Variants in OR2AJ1 observed in about 807,000 individuals in gnomAD.
OR2AJ1 encodes olfactory receptor 2AJ1.
For synonymous variants in OR2AJ1, 105 were observed against 60.3 expected (o/e 1.74, Z -3.44); for missense variants, 280 against 163.2 (o/e 1.72, Z -3.90).
rs760004374 is a variant in OR2AJ1 at position 247,933,912 on chromosome 1, C to T, written c.144C>T (p.Leu48=). The T allele has an allele frequency of 5.6e-6, 4 of 717,316 alleles. No homozygotes were observed. The highest frequency in any genetic ancestry group is 2.7e-5 in the East Asian group (1 of 37,280). The allele number at this position is 717,316 out of a possible 1,614,324, so 44.4% of individuals were successfully genotyped here. Residue 48 remains leucine (L), a synonymous_variant, in exon 2 of 2, where the codon CTC becomes CTT. Transcript: ENST00000318244. ...SVTENTLMIL[L]IRSDSRLHTP... ...CAGAAAATACGCTCATGATCCTCCT[C>T]ATTCGCAGTGACTCCCGACTCCACA...
intron 1 of OR2AJ1, among the ~76,000 whole-genome samples, chr1:247,928,405 C>G (rs550766413): frequency 1.2e-3 from 177 of 152,230 alleles, no homozygotes; most frequent in Non-Finnish European, 1.9e-3. Flanking sequence ...ATATATTAAT[C>G]TTTTGTCAGA....
chr1:247,926,236 A>C (rs1660089770), intron 1 of OR2AJ1, among the ~76,000 whole-genome samples: 1 of 152,194 alleles, frequency 6.6e-6, no homozygotes, highest in African/African-American at 2.4e-5. Flanking sequence ...ACTCAATGTT[A>C]CTTATTATAT....
intron 1 of OR2AJ1, among the ~76,000 whole-genome samples, chr1:247,933,427 G>C (rs111289481): frequency 5.4e-4 from 82 of 152,296 alleles, no homozygotes; most frequent in African/African-American, 1.3e-3. Flanking sequence ...TTTTTAAAGG[G>C]TGTGCAAGGA....
chr1:247,930,220 T>G (rs930766764), intron 1 of OR2AJ1, among the ~76,000 whole-genome samples: 3 of 152,208 alleles, frequency 2.0e-5, no homozygotes, highest in Non-Finnish European at 2.9e-5. Flanking sequence ...AACAAATAAA[T>G]AACTACTTAA....
intron 1 of OR2AJ1, among the ~76,000 whole-genome samples, chr1:247,931,762 A>G (rs762690168): frequency 6.6e-6 from 1 of 152,262 alleles, no homozygotes; most frequent in Non-Finnish European, 1.5e-5. Flanking sequence ...AATGAGACCT[A>G]AAATGGGCCA....
At chr1:247,932,710 T>C (rs1031471338) in intron 1 of OR2AJ1, among the ~76,000 whole-genome samples, 1 of 152,166 alleles carries the variant, frequency 6.6e-6, no homozygotes, top group Non-Finnish European at 1.5e-5. Flanking sequence ...GACTAATGTA[T>C]TTATAAATTT....
intron 1 of OR2AJ1, among the ~76,000 whole-genome samples, chr1:247,929,809 A>T (rs927989328): frequency 6.6e-6 from 1 of 152,166 alleles, no homozygotes; most frequent in Admixed American, 6.5e-5. Flanking sequence ...TTTTTGGGAT[A>T]TTGCATTTCC....
At position 247,932,738 on chromosome 1, in the gene OR2AJ1, T is replaced by C. The variant is rs575019943; in HGVS notation, c.-22-1009T>C. ...ATAAATTTTATAATTTACGTATTAA[T>C]ATGTGAAAGTATATATGTATGTATT... is the stretch of plus-strand genomic sequence containing the variant. On this transcript the variant is annotated intron_variant, in intron 1 of 1. Coordinates refer to ENST00000318244, the MANE Select transcript of OR2AJ1 (RefSeq NM_001355235.2). 9.8e-5 allele frequency among the ~76,000 whole-genome samples: 15 copies of C among 152,294 alleles called. No individual in the cohort carries two copies. The East Asian group carries it at 2.9e-3, about 29-fold the overall frequency.
intron 1 of OR2AJ1, among the ~76,000 whole-genome samples, chr1:247,927,440 A>G (rs941572115): frequency 6.6e-6 from 1 of 151,368 alleles, no homozygotes; most frequent in African/African-American, 2.4e-5. Flanking sequence ...GGATACATAC[A>G]AAGTTTAATG....
intron 1 of OR2AJ1, among the ~76,000 whole-genome samples, chr1:247,930,317 C>T (rs1268419486): frequency 2.6e-5 from 4 of 152,074 alleles, no homozygotes; most frequent in Non-Finnish European, 5.9e-5. Flanking sequence ...TATGCTTTAT[C>T]GGTATAATGA....
At chr1:247,925,571 T>C (rs1660082106) in intron 1 of OR2AJ1, among the ~76,000 whole-genome samples, 1 of 152,002 alleles carries the variant, frequency 6.6e-6, no homozygotes, top group South Asian at 2.1e-4. Context: ...TCACTGGAAA[T>C]TAGAACTAAA....
chr1:247,934,627 C>A lies in OR2AJ1; in HGVS notation c.859C>A (p.Pro287Thr), dbSNP rs546780515. Residue 287 changes from proline to threonine, a missense_variant, in exon 2 of 2, where the codon CCT becomes ACT. Coordinates refer to ENST00000318244, the MANE Select transcript of OR2AJ1 (RefSeq NM_001355235.2). The stretch of plus-strand genomic sequence containing the variant: ...TACGATCCTCACACCCACACTCAAC[C>A]CTTTCATCTACAGCTTTAGGAATAA... ...FYTILTPTLN[P>T]FIYSFRNKDV... The A allele has an allele frequency of 6.5e-5, 47 of 717,870 alleles. No individual in the cohort carries two copies. The highest frequency in any genetic ancestry group is 6.5e-4 in the South Asian group (44 of 67,590). The allele number at this position is 717,870 out of a possible 1,614,324, so 44.5% of individuals were successfully genotyped here. A position where few individuals can be genotyped will look rare whatever the true frequency, so the allele number is the denominator to read the frequency against.
intron 1 of OR2AJ1, among the ~76,000 whole-genome samples, chr1:247,926,577 G>A (rs572307602): frequency 1.5e-4 from 23 of 152,260 alleles, no homozygotes; most frequent in Middle Eastern, 3.4e-3. Flanking sequence ...ATTGTACATT[G>A]ATGCATACAA....
rs541489034 is a variant in OR2AJ1, at chr1:247,934,352, A to G, written c.584A>G (p.Tyr195Cys). The change falls in exon 2 of 2, where the codon TAT becomes TGT. Residue 195 changes from tyrosine to cysteine, a missense_variant. Tyr to Cys is a radical substitution (Grantham distance 194). Coordinates refer to ENST00000318244, the MANE Select transcript of OR2AJ1 (RefSeq NM_001355235.2). Reference protein sequence around the residue: ...LKLSCADTTRYERGVCVSAVI... With the variant: ...LKLSCADTTRCERGVCVSAVI... The stretch of plus-strand genomic sequence containing the variant: ...TTGTCCTGTGCAGACACAACACGCT[A>G]TGAACGAGGGGTTTGTGTAAGTGCT... 13 of 729,136 alleles carry G rather than the reference A, an allele frequency of 1.8e-5. No homozygotes were observed. The East Asian group carries it at 2.6e-4, about 15-fold the overall frequency. The allele number at this position is 729,136 out of a possible 1,614,324, so 45.2% of individuals were successfully genotyped here. A position where few individuals can be genotyped will look rare whatever the true frequency, so the allele number is the denominator to read the frequency against.
chr1:247,927,870 A>C (rs1013267050), intron 1 of OR2AJ1, among the ~76,000 whole-genome samples: 4 of 152,194 alleles, frequency 2.6e-5, no homozygotes, highest in African/African-American at 9.7e-5. Context: ...TCTTTTTATG[A>C]CTGAATAGTA....
chr1:247,931,816 G>A (rs887948149), intron 1 of OR2AJ1, among the ~76,000 whole-genome samples: 1 of 152,214 alleles, frequency 6.6e-6, no homozygotes, highest in Non-Finnish European at 1.5e-5. Context: ...ATGGAATTAT[G>A]ATAATAAAGT....
At chr1:247,932,558 A>G (rs1201278957) in intron 1 of OR2AJ1, among the ~76,000 whole-genome samples, 1 of 152,210 alleles carries the variant, frequency 6.6e-6, no homozygotes, top group African/African-American at 2.4e-5. Context: ...TGTCGGTGAC[A>G]TACTTCTGCA....
chr1:247,933,775 C>T lies in OR2AJ1; in HGVS notation c.7C>T (p.His3Tyr). 1.2e-5 allele frequency: 7 copies of T among 571,616 alleles called. No individual in the cohort carries two copies. The highest frequency in any genetic ancestry group is 5.0e-5 in the South Asian group (2 of 40,038). 35.4% of individuals were successfully genotyped at this position (571,616 alleles called of 1,614,324 possible). Residue 3 changes from histidine (H) to tyrosine (Y), a missense_variant, in exon 2 of 2, where the codon CAT becomes TAT. His to Tyr is a moderately conservative substitution (Grantham distance 83). Coordinates refer to ENST00000318244, the MANE Select transcript of OR2AJ1 (RefSeq NM_001355235.2). MG[H>Y]QNHTFSSDFI... ...AAAAAATAGAGAATTCATGATGGGC[C>T]ATCAGAATCACACTTTCAGCAGTGA...
intron 1 of OR2AJ1, among the ~76,000 whole-genome samples, chr1:247,931,912 A>T (rs1433585205): frequency 2.0e-5 from 3 of 152,182 alleles, no homozygotes; most frequent in African/African-American, 4.8e-5. Flanking sequence ...AGGTGTGTTG[A>T]TTTGAGTTGT....
Sources: allele counts gnomAD v4.1 joint callset (sites outside exome capture counted in the v4.1 genomes callset), GRCh38; gene constraint gnomAD v4.1.1; transcripts MANE v1.5; gene names NCBI Gene and HGNC (gene_info 2026-07-23, HGNC 2026-07-21).